Variants in UGT1A8 observed in about 807,000 individuals in gnomAD.
UGT1A8 encodes UDP-glucuronosyltransferase 1A8.
Under a neutral mutation model 45.3 loss-of-function variants are expected in UGT1A8, and 39 were observed. The ratio of observed to expected loss-of-function variants is 0.86; its 90% CI spans 0.67 to 1.12. The LOEUF (loss-of-function observed/expected upper bound fraction) is 1.12. Ranked by LOEUF, UGT1A8 falls within the 50% of genes most tolerant of loss-of-function variation. The pLI is 0.00. For synonymous variants in UGT1A8, 275 were observed against 249.2 expected (o/e 1.10, Z -0.97); for missense variants, 719 against 664.9 (o/e 1.08, Z -0.90).
At chr2:233,747,680 C>T (rs919271713) in intron 1 of UGT1A8, 69 of 1,607,988 alleles carry the variant, frequency 4.3e-5, no homozygotes, top group Non-Finnish European at 5.7e-5. Context: ...CAATTTACCT[C>T]TGTGGGGCAG....
Position 233,769,718 on chromosome 2 carries a change from C to A in UGT1A8, c.1295+1279C>A. On this transcript the variant is annotated intron_variant, in intron 4 of 4. Coordinates refer to ENST00000373450, the MANE Select transcript of UGT1A8 (RefSeq NM_019076.5). The surrounding 1 kb of genome is among the most constrained non-coding windows in gnomAD (Gnocchi z 4.4). Reference sequence around the variant, plus strand: ...TAAAAGATCAATGTTGGCTAGGCACCATGGCACACGCCTGTAGTCCCAGCC... The same window carrying A: ...TAAAAGATCAATGTTGGCTAGGCACAATGGCACACGCCTGTAGTCCCAGCC... 6.7e-7 allele frequency: 1 copy of A among 1,492,462 alleles called. No individual in the cohort carries two copies. Among genetic ancestry groups the A allele is most frequent in the Non-Finnish European group, 8.9e-7 (1 of 1,119,524 alleles). The allele number at this position is 1,492,462 out of a possible 1,614,324, so 92.5% of individuals were successfully genotyped here.
intron 1 of UGT1A8, chr2:233,717,994 C>T (rs1405290169): frequency 4.7e-6 from 2 of 423,448 alleles, no homozygotes; most frequent in Non-Finnish European, 4.8e-6. Context: ...TCAGACTGTG[C>T]AAGATCTGAG....
At chr2:233,694,598 C>T (rs2075228773) in intron 1 of UGT1A8, among the ~76,000 whole-genome samples, 1 of 152,300 alleles carries the variant, frequency 6.6e-6, no homozygotes. Flanking sequence ...CTTTGAAGGG[C>T]TTCAGGCAAC....
At chr2:233,678,990 A>T (rs914113792) in intron 1 of UGT1A8, among the ~76,000 whole-genome samples, 1 of 152,218 alleles carries the variant, frequency 6.6e-6, no homozygotes, top group Non-Finnish European at 1.5e-5. Flanking sequence ...AGCTCTTTCT[A>T]TAATAACAGT....
chr2:233,638,698 A>G (rs981446895), intron 1 of UGT1A8, among the ~76,000 whole-genome samples: 5 of 152,120 alleles, frequency 3.3e-5, no homozygotes, highest in Admixed American at 2.0e-4. Context: ...ATTTTTATGT[A>G]TTGTTCTGGT....
chr2:233,735,509 C>A lies in UGT1A8; in HGVS notation c.856-31525C>A, dbSNP rs185084136. Among the ~76,000 whole-genome samples the A allele has an allele frequency of 5.3e-4, 81 of 152,270 alleles. No homozygotes were observed. The East Asian group carries it at 0.013, about 24-fold the overall frequency. On this transcript the variant is annotated intron_variant, in intron 1 of 4. Coordinates refer to ENST00000373450, the MANE Select transcript of UGT1A8 (RefSeq NM_019076.5). ...TTAATTGCAGCATTTAGCCCATTTA[C>A]ATTTAAGGTAAATATTGTTATGAGT...
chr2:233,656,880 A>G (rs1178100587), intron 1 of UGT1A8, among the ~76,000 whole-genome samples: 1 of 151,510 alleles, frequency 6.6e-6, no homozygotes, highest in Non-Finnish European at 1.5e-5. Context: ...ATGTGCAGAT[A>G]AACACGCACA....
chr2:233,713,722 C>G lies in UGT1A8; in HGVS notation c.856-53312C>G, dbSNP rs549143838. 2.4e-5 allele frequency: 39 copies of G among 1,613,948 alleles called. No individual in the cohort carries two copies. In the South Asian group the frequency reaches 4.2e-4, roughly 17 times the overall value. On this transcript the variant is annotated intron_variant, in intron 1 of 4. Transcript: ENST00000373450. Reference sequence around the variant, plus strand: ...TCTGAGCTTTTTCAGAGAGAGGTGTCAGTGGTGGATCTTGTCAGCCATGCA... The same window carrying G: ...TCTGAGCTTTTTCAGAGAGAGGTGTGAGTGGTGGATCTTGTCAGCCATGCA...
chr2:233,681,166 C>A (rs886138503), intron 1 of UGT1A8, among the ~76,000 whole-genome samples: 9 of 151,848 alleles, frequency 5.9e-5, no homozygotes, highest in African/African-American at 2.2e-4. Flanking sequence ...GAGGTCAACG[C>A]TAAGACCCTT....
chr2:233,748,870 C>T (rs930859259), intron 1 of UGT1A8, among the ~76,000 whole-genome samples: 9 of 151,444 alleles, frequency 5.9e-5, no homozygotes, highest in Non-Finnish European at 1.0e-4. Flanking sequence ...AAGCTGGGGA[C>T]GGTGATGAAT....
At chr2:233,725,764 C>G (rs1373965651) in intron 1 of UGT1A8, among the ~76,000 whole-genome samples, 2 of 152,148 alleles carry the variant, frequency 1.3e-5, no homozygotes, top group Admixed American at 1.3e-4. Context: ...ACATTTTCTT[C>G]ACATAGTTTG....
At chr2:233,725,956 A>C (rs1405968247) in intron 1 of UGT1A8, among the ~76,000 whole-genome samples, 2 of 152,278 alleles carry the variant, frequency 1.3e-5, no homozygotes, top group East Asian at 3.9e-4. Flanking sequence ...GTTTGAGCCC[A>C]GGAGTCTGAG....
chr2:233,665,865 T>C (rs1240965351), intron 1 of UGT1A8, among the ~76,000 whole-genome samples: 2 of 152,152 alleles, frequency 1.3e-5, no homozygotes, highest in Non-Finnish European at 1.5e-5. Flanking sequence ...TGCCAGACAA[T>C]ATTTACAAGC....
intron 1 of UGT1A8, among the ~76,000 whole-genome samples, chr2:233,666,372 C>T (rs955527179): frequency 2.0e-5 from 3 of 152,168 alleles, no homozygotes; most frequent in Non-Finnish European, 1.5e-5. Flanking sequence ...TATGCTCAAT[C>T]TTTTTCATTG....
chr2:233,641,755 A>G (rs1298502538), intron 1 of UGT1A8, among the ~76,000 whole-genome samples: 1 of 152,152 alleles, frequency 6.6e-6, no homozygotes, highest in East Asian at 1.9e-4. Flanking sequence ...TTCCTGTTTG[A>G]AGGATATTTT....
At chr2:233,672,318 T>C (rs2074221139) in intron 1 of UGT1A8, 1 of 1,613,998 alleles carries the variant, frequency 6.2e-7, no homozygotes, top group Non-Finnish European at 8.5e-7. Context: ...GGAGTTTGTT[T>C]AAAGACAAAA....
intron 1 of UGT1A8, among the ~76,000 whole-genome samples, chr2:233,638,936 A>C (rs2073375996): frequency 6.6e-6 from 1 of 152,218 alleles, no homozygotes; most frequent in South Asian, 2.1e-4. Flanking sequence ...TGGACTTATC[A>C]AAGCACTTTT....
intron 1 of UGT1A8, among the ~76,000 whole-genome samples, chr2:233,701,090 G>A (rs1014206515): frequency 6.6e-6 from 1 of 152,156 alleles, no homozygotes; most frequent in Non-Finnish European, 1.5e-5. Flanking sequence ...TGGTGTATAT[G>A]TGCCACATTT....
At chr2:233,728,912 TC>T in intron 1 of UGT1A8, among the ~76,000 whole-genome samples, 1 of 148,378 alleles carries the variant, frequency 6.7e-6, no homozygotes, top group Non-Finnish European at 1.5e-5. Context: ...GACGTGTTTT[TC>T]AAGATAGTCA....
Sources: gnomAD v4.1 joint callset for allele counts (sites outside exome capture counted in the v4.1 genomes callset) on GRCh38, gnomAD v4.1.1 for gene constraint, Gnocchi (gnomAD v3.1) non-coding constraint, MANE v1.5 for transcripts, NCBI Gene and HGNC (gene_info 2026-07-23, HGNC 2026-07-21) for gene names.